The following AGPAT4 variants were observed in gnomAD, a reference collection of about 807,000 sequenced individuals.
AGPAT4 encodes 1-acylglycerol-3-phosphate O-acyltransferase 4.
In AGPAT4, 15 loss-of-function variants were observed where a neutral mutation model predicts 48.0. That is an observed-to-expected ratio of 0.31 (90% CI 0.21 to 0.48). AGPAT4 has a LOEUF of 0.48. AGPAT4 is among the 20% of genes least tolerant of loss of function. The pLI, the probability that AGPAT4 is intolerant of heterozygous loss-of-function variation, is 0.99. For missense variants in AGPAT4, 314 were observed against 482.5 expected (o/e 0.65, Z 3.27); for synonymous variants, 178 against 198.7 (o/e 0.90, Z 0.88).
chr6:161,270,676 G>A lies in AGPAT4; in HGVS notation c.-90+3262C>T, dbSNP rs1025963484. ...ACATGCTTGTGATCCCAGCTACTCG[G>A]GAGGCTGAGGCAGGAGAATCGCTTG... On this transcript the variant is annotated intron_variant, in intron 1 of 8. Coordinates refer to ENST00000320285, the MANE Select transcript of AGPAT4 (RefSeq NM_020133.3). This position sits in a 1 kb window ranked among gnomAD's most constrained non-coding sequence, Gnocchi z 5.3. Among the ~76,000 whole-genome samples the A allele has an allele frequency of 3.9e-5, 6 of 152,166 alleles. No homozygotes were observed. Among genetic ancestry groups the A allele is most frequent in the Non-Finnish European group, 7.3e-5 (5 of 68,036 alleles).
At position 161,154,186 on chromosome 6, in the gene AGPAT4, C is replaced by A; in HGVS notation, c.473G>T (p.Ser158Ile). 1.9e-6 allele frequency: 3 copies of A among 1,614,198 alleles called. No individual in the cohort carries two copies. Among genetic ancestry groups the A allele is most frequent in the South Asian group, 1.1e-5 (1 of 91,070 alleles). ...WEQDRKTVAT[S>I]LQHLRDYPEK... Reference sequence around the variant, plus strand: ...GGGGTAGTCCCGGAGGTGCTGCAAACTGGTGGCAACCGTCTTGCGATCCTG... The same window carrying A: ...GGGGTAGTCCCGGAGGTGCTGCAAAATGGTGGCAACCGTCTTGCGATCCTG... The change falls in exon 4 of 9, where the codon AGT (serine) becomes ATT (isoleucine). Residue 158 changes from serine (S) to isoleucine (I), a missense_variant. Physicochemically the swap from Ser to Ile is moderately radical, Grantham distance 142. Coordinates refer to ENST00000320285, the MANE Select transcript of AGPAT4 (RefSeq NM_020133.3). The surrounding 1 kb of genome is among the most constrained non-coding windows in gnomAD (Gnocchi z 7.8).
Position 161,152,407 on chromosome 6 carries a change from C to A in AGPAT4, c.664+939G>T, listed in dbSNP as rs545111954. Among the ~76,000 whole-genome samples, 310 of 152,240 alleles carry A rather than the reference C, an allele frequency of 2.0e-3. 1 individual carries two copies. The highest frequency in any genetic ancestry group is 7.1e-3 in the African/African-American group (295 of 41,554). The stretch of plus-strand genomic sequence containing the variant: ...CAGGGTGTTAAACAGGCAGCAGAGG[C>A]CAGCAGGGAGGGCTACCCAGGGCCT... On this transcript the variant is annotated intron_variant, in intron 5 of 8. Transcript: ENST00000320285.
intron 1 of AGPAT4, among the ~76,000 whole-genome samples, chr6:161,256,428 A>C (rs1782945351): frequency 1.3e-5 from 2 of 152,236 alleles, no homozygotes; most frequent in Admixed American, 6.5e-5. Context: ...TGCTTTGAAA[A>C]GCTGAGATTA....
chr6:161,231,625 G>GT lies in AGPAT4; in HGVS notation c.178+410dup, dbSNP rs1424442025. 2.0e-5 allele frequency among the ~76,000 whole-genome samples: 3 copies of GT among 151,728 alleles called. No individual in the cohort carries two copies. Among genetic ancestry groups the GT allele is most frequent in the South Asian group, 2.1e-4 (1 of 4,812 alleles). Reference sequence around the variant, plus strand: ...AAACAATATAGTATACTGCCACTTAGTTTTTTAAAAAAAAATACGTATGTA... The same window carrying GT: ...AAACAATATAGTATACTGCCACTTAGTTTTTTTAAAAAAAAATACGTATGTA... On this transcript the variant is annotated intron_variant, in intron 2 of 8. Coordinates refer to ENST00000320285, the MANE Select transcript of AGPAT4 (RefSeq NM_020133.3). The surrounding 1 kb of genome is among the most constrained non-coding windows in gnomAD (Gnocchi z 5.3).
intron 2 of AGPAT4, among the ~76,000 whole-genome samples, chr6:161,168,327 A>G (rs971497387): frequency 6.6e-6 from 1 of 152,140 alleles, no homozygotes; most frequent in Admixed American, 6.5e-5. Context: ...CTCCACAGGG[A>G]GTCAGGGAGA....
rs551593919 is a variant in AGPAT4 at position 161,138,802 on chromosome 6, G to A, written c.1042+620C>T. 2.4e-4 allele frequency among the ~76,000 whole-genome samples: 37 copies of A among 152,242 alleles called. No homozygotes were observed. The highest frequency in any genetic ancestry group is 7.5e-4 in the African/African-American group (31 of 41,538). On this transcript the variant is annotated intron_variant, in intron 8 of 8. Transcript: ENST00000320285. This position sits in a 1 kb window ranked among gnomAD's most constrained non-coding sequence, Gnocchi z 4.8. ...AGTCTTCCTTGGCTCCAGGAAGCAC[G>A]GACCTGCTGTTCACAGGGCAGGAAG... is the stretch of plus-strand genomic sequence containing the variant.
At chr6:161,153,537 G>T (rs762437925) in intron 4 of AGPAT4, 38 bp from the exon 5 acceptor site, 1 of 1,603,936 alleles carries the variant, frequency 6.2e-7, no homozygotes, top group Non-Finnish European at 8.5e-7. Context: ...GCAGCCTCGG[G>T]GTCACACACA....
At position 161,187,034 on chromosome 6, in the gene AGPAT4, G is replaced by A. The variant is rs553783394; in HGVS notation, c.179-20617C>T. ...ACCTGAATTTGAATTCCCATTCCAC[G>A]ATTTACTAATAACATCGGCATATTA... On this transcript the variant is annotated intron_variant, in intron 2 of 8. Transcript: ENST00000320285. Among the ~76,000 whole-genome samples the A allele has an allele frequency of 2.6e-5, 4 of 152,260 alleles. No individual in the cohort carries two copies. In the East Asian group the frequency reaches 5.8e-4, roughly 22 times the overall value.
rs1197152962 is a variant in AGPAT4 at position 161,178,192 on chromosome 6, C to G, written c.179-11775G>C. 2.0e-5 allele frequency among the ~76,000 whole-genome samples: 3 copies of G among 152,178 alleles called. No homozygotes were observed. The highest frequency in any genetic ancestry group is 7.2e-5 in the African/African-American group (3 of 41,462). ...CTCTTCAAAGCTGTCAGACAGGGAC[C>G]TTTAAGTCTGCAGAAGTTTCTGCTG... On this transcript the variant is annotated intron_variant, in intron 2 of 8. Coordinates refer to ENST00000320285, the MANE Select transcript of AGPAT4 (RefSeq NM_020133.3). The surrounding 1 kb of genome is among the most constrained non-coding windows in gnomAD (Gnocchi z 5.1).
At position 161,216,975 on chromosome 6, in the gene AGPAT4, A is replaced by G. The variant is rs1050247833; in HGVS notation, c.178+15061T>C. Among the ~76,000 whole-genome samples, 1 of 152,272 alleles carries G rather than the reference A, an allele frequency of 6.6e-6. No individual in the cohort carries two copies. The highest frequency in any genetic ancestry group is 1.5e-5 in the Non-Finnish European group (1 of 68,016). The stretch of plus-strand genomic sequence containing the variant: ...TGTCTTAATTTGACTTTCCCCTCAC[A>G]CGTGGCTCTGATTCACCTTTGCTCA... On this transcript the variant is annotated intron_variant, in intron 2 of 8. Coordinates refer to ENST00000320285, the MANE Select transcript of AGPAT4 (RefSeq NM_020133.3). This position sits in a 1 kb window ranked among gnomAD's most constrained non-coding sequence, Gnocchi z 4.8.
rs1042516369 is a variant in AGPAT4, at chr6:161,236,589, G to A, written c.-89-4287C>T. 2.0e-5 allele frequency among the ~76,000 whole-genome samples: 3 copies of A among 152,188 alleles called. No homozygotes were observed. The highest frequency in any genetic ancestry group is 4.2e-4 in the South Asian group (2 of 4,814). On this transcript the variant is annotated intron_variant, in intron 1 of 8. Transcript: ENST00000320285. This position sits in a 1 kb window ranked among gnomAD's most constrained non-coding sequence, Gnocchi z 5.0. ...ACCTCTGGGGGCAGACAAGTGACCC[G>A]ATGAGGGCTTAAAGCAGTAAAAGGA...
chr6:161,166,282 C>A lies in AGPAT4; in HGVS notation c.314G>T (p.Gly105Val). 1 of 1,614,118 alleles carries A rather than the reference C, an allele frequency of 6.2e-7. No homozygotes were observed. Among genetic ancestry groups the A allele is most frequent in the Non-Finnish European group, 8.5e-7 (1 of 1,180,022 alleles). The change falls in exon 3 of 9, where the codon GGC (glycine) becomes GTC (valine). Residue 105 changes from glycine to valine, a missense_variant. Coordinates refer to ENST00000320285, the MANE Select transcript of AGPAT4 (RefSeq NM_020133.3). This position sits in a 1 kb window ranked among gnomAD's most constrained non-coding sequence, Gnocchi z 6.7. ...NHKFEIDFLC[G>V]WSLSERFGLL... is the part of the protein sequence containing the mutation. The stretch of plus-strand genomic sequence containing the variant: ...CCCAAAGCGTTCGGACAGGCTCCAG[C>A]CACACAGAAAGTCAATTTCAAACTT...
In AGPAT4 at chr6:161,142,662, G is replaced by A. The variant is rs1260025990; in HGVS notation, c.844-3042C>T. 6.6e-6 allele frequency among the ~76,000 whole-genome samples: 1 copy of A among 152,160 alleles called. No individual in the cohort carries two copies. The highest frequency in any genetic ancestry group is 2.4e-5 in the African/African-American group (1 of 41,426). ...GAGAAGAAAGAAGGGAGAAAAGAAC[G>A]GGAGGAAGAACAGGAAAGAACGAAG... On this transcript the variant is annotated intron_variant, in intron 7 of 8. Transcript: ENST00000320285. This position sits in a 1 kb window ranked among gnomAD's most constrained non-coding sequence, Gnocchi z 6.4.
chr6:161,183,300 A>G (rs1431913586), intron 2 of AGPAT4, among the ~76,000 whole-genome samples: 1 of 151,966 alleles, frequency 6.6e-6, no homozygotes, highest in Non-Finnish European at 1.5e-5. Flanking sequence ...CAATAAACAC[A>G]CAGACAGTCA....
rs1339248924 is a variant in AGPAT4 at position 161,138,103 on chromosome 6, A to G, written c.1042+1319T>C. 6.6e-6 allele frequency among the ~76,000 whole-genome samples: 1 copy of G among 152,194 alleles called. No individual in the cohort carries two copies. The highest frequency in any genetic ancestry group is 2.4e-5 in the African/African-American group (1 of 41,456). On this transcript the variant is annotated intron_variant, in intron 8 of 8. Transcript: ENST00000320285. The surrounding 1 kb of genome is among the most constrained non-coding windows in gnomAD (Gnocchi z 4.8). ...CCCCCGCCCTACCAGGGGCCCTGGC[A>G]CCTGCAGCTGCCCCGGACCCTTGGC... is the stretch of plus-strand genomic sequence containing the variant.
At position 161,240,141 on chromosome 6, in the gene AGPAT4, G is replaced by T. The variant is rs1782441500; in HGVS notation, c.-89-7839C>A. On this transcript the variant is annotated intron_variant, in intron 1 of 8. Transcript: ENST00000320285. The surrounding 1 kb of genome is among the most constrained non-coding windows in gnomAD (Gnocchi z 5.5). ...GTGACAGGATACAAAATCATGTGGA[G>T]AAAATAATCACAACTCTAAAAAAAA... is the stretch of plus-strand genomic sequence containing the variant. 6.6e-6 allele frequency among the ~76,000 whole-genome samples: 1 copy of T among 150,494 alleles called. No individual in the cohort carries two copies. Among genetic ancestry groups the T allele is most frequent in the Non-Finnish European group, 1.5e-5 (1 of 67,712 alleles).
Position 161,130,723 on chromosome 6 carries a change from T to C in AGPAT4, c.*5817A>G. ...CCAGCCTTGCTGTGTTTGCCTCAGA[T>C]GCGAGTAAGGAAGCTCCAGTTGTAG... On this transcript the variant is annotated 3_prime_UTR_variant, in exon 9 of 9. Coordinates refer to ENST00000320285, the MANE Select transcript of AGPAT4 (RefSeq NM_020133.3). 1 of 398,630 alleles carries C rather than the reference T, an allele frequency of 2.5e-6. No homozygotes were observed. Among genetic ancestry groups the C allele is most frequent in the South Asian group, 1.9e-5 (1 of 51,434 alleles). The allele number at this position is 398,630 out of a possible 1,614,324, so 24.7% of individuals were successfully genotyped here.
At chr6:161,157,854 C>G (rs990247746) in intron 3 of AGPAT4, among the ~76,000 whole-genome samples, 1 of 152,188 alleles carries the variant, frequency 6.6e-6, no homozygotes, top group African/African-American at 2.4e-5. Context: ...GGCTCTACCA[C>G]GACCCAGCTG....
intron 2 of AGPAT4, among the ~76,000 whole-genome samples, chr6:161,211,411 A>T (rs919240908): frequency 1.3e-5 from 2 of 152,182 alleles, no homozygotes; most frequent in African/African-American, 4.8e-5. Flanking sequence ...AAAAGGAATG[A>T]GGAAATAAAA....
Sources: gnomAD v4.1 joint callset for allele counts (sites outside exome capture counted in the v4.1 genomes callset) on GRCh38, gnomAD v4.1.1 for gene constraint, Gnocchi (gnomAD v3.1) non-coding constraint, MANE v1.5 for transcripts, NCBI Gene and HGNC (gene_info 2026-07-23, HGNC 2026-07-21) for gene names.